The following CRYZL1 variants were observed in gnomAD, a reference collection of about 807,000 sequenced individuals.
The protein encoded by CRYZL1 is ferry endosomal RAB5 effector complex subunit 4.
Under a neutral mutation model 50.6 loss-of-function variants are expected in CRYZL1, and 34 were observed. The observed-to-expected ratio is 0.67, with a 90% CI of 0.51 to 0.89. The LOEUF is 0.89. CRYZL1 is among the 40% of genes least tolerant of loss of function. The pLI is 0.00. For synonymous variants in CRYZL1, 125 were observed against 134.3 expected, an observed-to-expected ratio of 0.93 and a Z score of 0.48; for missense variants, 354 against 402.3, an observed-to-expected ratio of 0.88 and a Z score of 1.03.
At chr21:33,593,561 T>C (rs1300997300) in intron 11 of CRYZL1, among the ~76,000 whole-genome samples, 3 of 152,244 alleles carry the variant, frequency 2.0e-5, no homozygotes, top group African/African-American at 7.2e-5. Flanking sequence ...ACACATGTCA[T>C]GTTTCAACTT....
In CRYZL1 at chr21:33,608,435, A is replaced by G. The variant is rs2086836438; in HGVS notation, c.332-4898T>C. Among the ~76,000 whole-genome samples the G allele has an allele frequency of 2.0e-5, 3 of 152,212 alleles. No homozygotes were observed. The East Asian group carries it at 5.8e-4, about 29-fold the overall frequency. ...ACGCCATTGCACTCCAGCCTGGGCA[A>G]TAAGAGCAAAACTCCATCTCATGAA... is the stretch of plus-strand genomic sequence containing the variant. On this transcript the variant is annotated intron_variant, in intron 6 of 12. Transcript: ENST00000381554.
intron 5 of CRYZL1, among the ~76,000 whole-genome samples, chr21:33,614,868 C>G (rs1426052946): frequency 6.6e-6 from 1 of 152,034 alleles, no homozygotes; most frequent in Non-Finnish European, 1.5e-5. Flanking sequence ...CTACACCCAG[C>G]CAGAGTATGT....
intron 3 of CRYZL1, among the ~76,000 whole-genome samples, chr21:33,623,000 C>G (rs1254137316): frequency 6.8e-6 from 1 of 148,102 alleles, no homozygotes; most frequent in Non-Finnish European, 1.5e-5. Context: ...GAGTCTCACT[C>G]TGTCGCCCAG....
chr21:33,639,971 G>A (rs560764580), intron 1 of CRYZL1: 18 of 455,674 alleles, frequency 4.0e-5, no homozygotes, highest in Admixed American at 1.6e-4. Context: ...AATTACAGGC[G>A]TGCACCACCA....
intron 8 of CRYZL1, among the ~76,000 whole-genome samples, chr21:33,601,069 TG>T (rs1383598316): frequency 3.3e-5 from 5 of 150,934 alleles, no homozygotes; most frequent in Non-Finnish European, 7.4e-5. Flanking sequence ...CCTGAGTAGC[TG>T]GGATTACAGG....
Position 33,624,857 on chromosome 21 carries a change from A to T in CRYZL1, c.67-97T>A, listed in dbSNP as rs1444723913. 30 of 1,456,314 alleles carry T rather than the reference A, an allele frequency of 2.1e-5. No homozygotes were observed. The South Asian group carries it at 2.7e-4, about 13-fold the overall frequency. The allele number at this position is 1,456,314 out of a possible 1,614,324, so 90.2% of individuals were successfully genotyped here. ...AAATTTTTACATGTAATTAAACAAA[A>T]TTAGACAGACCCTAAATCTCACAGC... On this transcript the variant is annotated intron_variant, in intron 2 of 12. Transcript: ENST00000381554.
intron 1 of CRYZL1, 130 bp downstream of exon 1, chr21:33,641,551 A>G (rs908689071): frequency 1.1e-4 from 45 of 402,632 alleles, no homozygotes; most frequent in African/African-American, 8.6e-4. Flanking sequence ...CTGGGCCCGA[A>G]CAAGTCCCAG....
intron 6 of CRYZL1, among the ~76,000 whole-genome samples, chr21:33,612,177 A>G (rs2086879150): frequency 6.6e-6 from 1 of 152,222 alleles, no homozygotes; most frequent in Non-Finnish European, 1.5e-5. Flanking sequence ...GTATATATAC[A>G]TCATTAATTA....
At chr21:33,591,960 G>T in intron 11 of CRYZL1, among the ~76,000 whole-genome samples, 1 of 86,760 alleles carries the variant, frequency 1.2e-5, no homozygotes, top group South Asian at 3.2e-4. Context: ...TGTCTCAAAA[G>T]AAAAAAAAAA....
rs2086685556 is a variant in CRYZL1 at position 33,595,603 on chromosome 21, A to G, written c.904+128T>C. ...ATGTTTAAATGAATACTTGCAAGGC[A>G]CTTGGAATACTGTTTGGAATACTTA... is the stretch of plus-strand genomic sequence containing the variant. On this transcript the variant is annotated intron_variant, in intron 11 of 12. Transcript: ENST00000381554. 3 of 1,450,228 alleles carry G rather than the reference A, an allele frequency of 2.1e-6. No individual in the cohort carries two copies. The East Asian group carries it at 7.5e-5, about 36-fold the overall frequency. 89.8% of individuals were successfully genotyped at this position (1,450,228 alleles called of 1,614,324 possible).
At chr21:33,638,495 G>A (rs2087237976) in intron 1 of CRYZL1, among the ~76,000 whole-genome samples, 1 of 152,184 alleles carries the variant, frequency 6.6e-6, no homozygotes, top group African/African-American at 2.4e-5. Context: ...TTACAGGCGT[G>A]AGCCACTGCA....
At position 33,599,188 on chromosome 21, in the gene CRYZL1, G is replaced by A; in HGVS notation, c.638C>T (p.Thr213Ile). 1.9e-6 allele frequency: 3 copies of A among 1,613,962 alleles called. No homozygotes were observed. Among genetic ancestry groups the A allele is most frequent in the East Asian group, 2.2e-5 (1 of 44,854 alleles). Residue 213 changes from threonine to isoleucine, a missense_variant, in exon 9 of 13, where the codon ACA (threonine) becomes ATA (isoleucine). Coordinates refer to ENST00000381554, the MANE Select transcript of CRYZL1 (RefSeq NM_145858.3). Reference protein sequence around the residue: ...VHVAESCLEETGGLGVDIVLD... With the variant: ...VHVAESCLEEIGGLGVDIVLD... ...GACAATATCTACTCCCAGGCCACCTGTTTCTTCCAAACAGCTTTCAGCAAC... is the reference window on the plus strand; with the variant it reads ...GACAATATCTACTCCCAGGCCACCTATTTCTTCCAAACAGCTTTCAGCAAC...
In CRYZL1 at chr21:33,589,741, T is replaced by C. The variant is rs779041997; in HGVS notation, c.*81A>G. On this transcript the variant is annotated 3_prime_UTR_variant, in exon 13 of 13. Coordinates refer to ENST00000381554, the MANE Select transcript of CRYZL1 (RefSeq NM_145858.3). ...GCAACTTGTTTTATCTTCCTTGGTT[T>C]TTCTCAACAATTTCCAAAGAAAATT... is the stretch of plus-strand genomic sequence containing the variant. The C allele has an allele frequency of 2.2e-6, 2 of 927,436 alleles. No homozygotes were observed. Among genetic ancestry groups the C allele is most frequent in the Non-Finnish European group, 3.4e-6 (2 of 585,208 alleles). The allele number at this position is 927,436 out of a possible 1,614,324, so 57.5% of individuals were successfully genotyped here.
chr21:33,637,568 T>C (rs1480105687), intron 1 of CRYZL1, among the ~76,000 whole-genome samples: 1 of 151,872 alleles, frequency 6.6e-6, no homozygotes, highest in Non-Finnish European at 1.5e-5. Context: ...AACTCATCTA[T>C]TCCCCTATGG....
chr21:33,637,768 T>C (rs1601354721), intron 1 of CRYZL1, among the ~76,000 whole-genome samples: 1 of 143,396 alleles, frequency 7.0e-6, no homozygotes, highest in East Asian at 2.1e-4. Context: ...AACATATATA[T>C]ATATATATAT....
chr21:33,611,244 T>G (rs987048917), intron 6 of CRYZL1, among the ~76,000 whole-genome samples: 2 of 152,186 alleles, frequency 1.3e-5, no homozygotes, highest in African/African-American at 4.8e-5. Context: ...AGCTCTGGAT[T>G]AGAGACTCTC....
chr21:33,612,633 T>A (rs1193591975), intron 6 of CRYZL1, among the ~76,000 whole-genome samples: 2 of 152,188 alleles, frequency 1.3e-5, no homozygotes, highest in Admixed American at 1.3e-4. Flanking sequence ...GGATGCATAA[T>A]GTTATCTCTA....
chr21:33,593,045 C>T (rs1030600833), intron 11 of CRYZL1, among the ~76,000 whole-genome samples: 1 of 145,700 alleles, frequency 6.9e-6, no homozygotes, highest in African/African-American at 2.5e-5. Flanking sequence ...GAGCGAGACT[C>T]TATCTCAAAA....
intron 12 of CRYZL1, among the ~76,000 whole-genome samples, chr21:33,590,482 C>T (rs1481956166): frequency 6.6e-6 from 1 of 150,714 alleles, no homozygotes; most frequent in Non-Finnish European, 1.5e-5. Flanking sequence ...ATGGTGTGAT[C>T]TCGGCTCACT....
Sources: gnomAD v4.1 joint callset for allele counts (sites outside exome capture counted in the v4.1 genomes callset) on GRCh38, gnomAD v4.1.1 for gene constraint, MANE v1.5 for transcripts, NCBI Gene and HGNC (gene_info 2026-07-23, HGNC 2026-07-21) for gene names.